The following DCAF8 variants were observed in gnomAD, a reference collection of about 807,000 sequenced individuals.
DCAF8 encodes DDB1 and CUL4 associated factor 8, also known as DDB1- and CUL4-associated factor 8.
DCAF8 carries 20 observed loss-of-function variants against 68.0 expected under a neutral mutation model. That is an observed-to-expected ratio of 0.29 (90% CI 0.21 to 0.43). The LOEUF is 0.43. DCAF8 is among the 20% of genes least tolerant of loss of function. DCAF8 has a pLI of 1.00. For synonymous variants in DCAF8, 230 were observed against 276.9 expected (o/e 0.83, Z 1.68); for missense variants, 460 against 771.0 (o/e 0.60, Z 4.78).
At chr1:160,229,904 T>C (rs1344682815) in intron 7 of DCAF8, among the ~76,000 whole-genome samples, 8 of 151,950 alleles carry the variant, frequency 5.3e-5, no homozygotes, top group African/African-American at 1.9e-4. Flanking sequence ...GCACCTGTAA[T>C]CCCAGCTACT....
At chr1:160,243,405 C>CA (rs1656194100) in intron 3 of DCAF8, among the ~76,000 whole-genome samples, 1 of 121,418 alleles carries the variant, frequency 8.2e-6, no homozygotes, top group East Asian at 2.3e-4. Context: ...TATGTAATCA[C>CA]CTTTTTTTTT....
intron 7 of DCAF8, among the ~76,000 whole-genome samples, chr1:160,226,452 C>CA (rs1334317621): frequency 2.0e-5 from 3 of 152,310 alleles, no homozygotes; most frequent in Non-Finnish European, 4.4e-5. Context: ...TGAGGACACA[C>CA]ATATTATGTG....
intron 2 of DCAF8, among the ~76,000 whole-genome samples, chr1:160,246,962 A>C (rs924051484): frequency 2.0e-5 from 3 of 152,198 alleles, no homozygotes; most frequent in Non-Finnish European, 4.4e-5. Flanking sequence ...CAGTCTCCAA[A>C]AAAATAAAAA....
At position 160,239,931 on chromosome 1, in the gene DCAF8, C is replaced by T; in HGVS notation, c.489G>A (p.Leu163=). The T allele has an allele frequency of 6.2e-7, 1 of 1,614,258 alleles. No homozygotes were observed. The change falls in exon 4 of 14, where the codon CTG becomes CTA. Residue 163 remains leucine, a synonymous_variant. Coordinates refer to ENST00000368074, the MANE Select transcript of DCAF8 (RefSeq NM_015726.4). ...CATAGACAAAGCGGGCACTTGAACC[C>T]AGCTCCCGCTCCCGAAGGGCAGGGA... is the stretch of plus-strand genomic sequence containing the variant. The part of the protein sequence containing the change: ...QALPALRERE[L]GSSARFVYEA...
At chr1:160,220,179 A>G (rs934946387) in intron 11 of DCAF8, 8 of 152,258 alleles carry the variant, frequency 5.3e-5, no homozygotes, top group African/African-American at 1.9e-4. Flanking sequence ...CCCATTCCAC[A>G]TATCAGCCTA....
chr1:160,250,485 A>AC (rs1656541513), intron 2 of DCAF8, among the ~76,000 whole-genome samples: 1 of 151,766 alleles, frequency 6.6e-6, no homozygotes, highest in African/African-American at 2.4e-5. Context: ...AAAAAAAAAA[A>AC]ACAGGATGAG....
intron 2 of DCAF8, among the ~76,000 whole-genome samples, chr1:160,248,420 C>G (rs976136199): frequency 6.6e-6 from 1 of 151,982 alleles, no homozygotes; most frequent in African/African-American, 2.4e-5. Flanking sequence ...GGACAGTAAC[C>G]AGAATATCCT....
chr1:160,262,459 G>C lies in DCAF8; in HGVS notation c.-111C>G, dbSNP rs906842016. 3 of 401,240 alleles carry C rather than the reference G, an allele frequency of 7.5e-6. No homozygotes were observed. The highest frequency in any genetic ancestry group is 6.2e-5 in the African/African-American group (3 of 48,658). The allele number at this position is 401,240 out of a possible 1,614,324, so 24.9% of individuals were successfully genotyped here. A position where few individuals can be genotyped will look rare whatever the true frequency, so the allele number is the denominator to read the frequency against. ...CCGCCGCCATCTTACACTGGCCAGC[G>C]GCCGCCACCACCACCGCCTCCGCTC... On this transcript the variant is annotated 5_prime_UTR_variant, in exon 1 of 14. Coordinates refer to ENST00000368074, the MANE Select transcript of DCAF8 (RefSeq NM_015726.4).
At chr1:160,246,143 A>G (rs1307240905) in intron 2 of DCAF8, among the ~76,000 whole-genome samples, 2 of 151,194 alleles carry the variant, frequency 1.3e-5, no homozygotes, top group Non-Finnish European at 3.0e-5. Flanking sequence ...CTCCGTCTCA[A>G]AAAAAAAAAT....
At chr1:160,218,530 G>C in intron 12 of DCAF8, 90 bp from the exon 13 acceptor site, 5 of 1,023,540 alleles carry the variant, frequency 4.9e-6, no homozygotes, top group Non-Finnish European at 7.6e-6. Context: ...CCCAATAAAA[G>C]CTTCCCTTAA....
intron 12 of DCAF8, 124 bp downstream of exon 12, chr1:160,218,725 G>C (rs915607987): frequency 1.3e-5 from 18 of 1,400,218 alleles, no homozygotes; most frequent in East Asian, 1.2e-4. Flanking sequence ...ACAGGAATGT[G>C]GGGGAGGGTG....
intron 11 of DCAF8, among the ~76,000 whole-genome samples, chr1:160,222,079 C>T (rs149235879): frequency 9.9e-5 from 15 of 152,276 alleles, no homozygotes; most frequent in African/African-American, 3.4e-4. Context: ...TTTGAATGTA[C>T]GCATGACATT....
intron 2 of DCAF8, among the ~76,000 whole-genome samples, chr1:160,251,055 G>A (rs1201577768): frequency 2.0e-5 from 3 of 152,118 alleles, no homozygotes; most frequent in Non-Finnish European, 4.4e-5. Context: ...TCAAACCAGT[G>A]CCTGCCTCAT....
Position 160,243,971 on chromosome 1 carries a change from T to C in DCAF8, c.38A>G (p.Asp13Gly). Residue 13 changes from aspartate (D) to glycine (G), a missense_variant, in exon 3 of 14, where the codon GAC becomes GGC. This residue lies in a region of DCAF8 where 156 missense variants were observed against 181.4 expected (regional missense o/e 0.86). Transcript: ENST00000368074. ...TTTTGGCCCCTTACCATTAGCTAAGTCTGTTCTGCCATCTGTGCTGCTCCC... is the reference window on the plus strand; with the variant it reads ...TTTTGGCCCCTTACCATTAGCTAAGCCTGTTCTGCCATCTGTGCTGCTCCC... ...SKGSSTDGRT[D>G]LANGSLSSSP... The C allele has an allele frequency of 6.2e-7, 1 of 1,614,114 alleles. No homozygotes were observed. The highest frequency in any genetic ancestry group is 8.5e-7 in the Non-Finnish European group (1 of 1,179,996).
chr1:160,250,944 C>T (rs1189028544), intron 2 of DCAF8, among the ~76,000 whole-genome samples: 9 of 152,128 alleles, frequency 5.9e-5, no homozygotes, highest in East Asian at 1.9e-4. Context: ...TGAGCCCGAT[C>T]GAAACATCAA....
intron 4 of DCAF8, chr1:160,239,254 C>T: frequency 9.0e-7 from 1 of 1,107,086 alleles, no homozygotes. Flanking sequence ...AAGTACCAGT[C>T]ACAGTTCTAA....
At chr1:160,260,926 C>T (rs572704235) in intron 2 of DCAF8, among the ~76,000 whole-genome samples, 1 of 152,016 alleles carries the variant, frequency 6.6e-6, no homozygotes, top group Non-Finnish European at 1.5e-5. Flanking sequence ...ACAGGATGAA[C>T]AGAACTCAGG....
At chr1:160,248,081 G>C (rs1446748822) in intron 2 of DCAF8, among the ~76,000 whole-genome samples, 1 of 151,548 alleles carries the variant, frequency 6.6e-6, no homozygotes, top group Non-Finnish European at 1.5e-5. Flanking sequence ...CAAGGCGGGT[G>C]GATCACCTGA....
chr1:160,258,296 A>C (rs1266332567), intron 2 of DCAF8, among the ~76,000 whole-genome samples: 1 of 152,152 alleles, frequency 6.6e-6, no homozygotes, highest in Non-Finnish European at 1.5e-5. Context: ...GCAGTGAGCC[A>C]TGATAGTGCC....
Sources: gnomAD v4.1 joint callset for allele counts (sites outside exome capture counted in the v4.1 genomes callset) on GRCh38, gnomAD v4.1.1 for gene constraint, gnomAD v4.1.1 regional missense constraint, MANE v1.5 for transcripts, NCBI Gene and HGNC (gene_info 2026-07-23, HGNC 2026-07-21) for gene names.